ADGRL2: variants seen among roughly 807,000 people sequenced by gnomAD.
The protein encoded by ADGRL2 is adhesion G protein-coupled receptor L2.
In ADGRL2, 44 loss-of-function variants were observed where a neutral mutation model predicts 157.4. The observed-to-expected ratio is 0.28, with a 90% CI of 0.22 to 0.36. The LOEUF (loss-of-function observed/expected upper bound fraction) is 0.36. Ranked by LOEUF, ADGRL2 falls within the 10% of genes least tolerant of loss-of-function variation. The pLI is 1.00. For missense variants in ADGRL2, 1,510 were observed against 1,768.9 expected, an observed-to-expected ratio of 0.85 and a Z score of 2.63; for synonymous variants, 585 against 624.7, an observed-to-expected ratio of 0.94 and a Z score of 0.95.
intron 3 of ADGRL2, among the ~76,000 whole-genome samples, chr1:81,933,195 G>A (rs1206526305): frequency 2.0e-5 from 3 of 152,096 alleles, no homozygotes; most frequent in South Asian, 2.1e-4. Flanking sequence ...ATGATGAACC[G>A]TAATTGTAGT....
rs1657689491 is a variant in ADGRL2 at position 81,968,210 on chromosome 1, G to A, written c.2523+11G>A. 6.2e-7 allele frequency: 1 copy of A among 1,607,964 alleles called. No homozygotes were observed. Among genetic ancestry groups the A allele is most frequent in the African/African-American group, 1.3e-5 (1 of 74,522 alleles). On this transcript the variant is annotated intron_variant, in intron 14 of 23. Coordinates refer to ENST00000686636, the MANE Select transcript of ADGRL2 (RefSeq NM_001366006.2). The stretch of plus-strand genomic sequence containing the variant: ...CACAGGGAAATTGCAGTAAGTATTT[G>A]CACTTCTAATTAGTAGCAGAGAAAA...
intron 1 of ADGRL2, among the ~76,000 whole-genome samples, chr1:81,738,689 A>G (rs891698178): frequency 1.3e-5 from 2 of 152,182 alleles, no homozygotes; most frequent in African/African-American, 4.8e-5. Context: ...TATTCCATAC[A>G]GTGAAACTGA....
chr1:81,385,024 T>C (rs2076410901), intron 1 of ADGRL2, among the ~76,000 whole-genome samples: 2 of 152,162 alleles, frequency 1.3e-5, no homozygotes, highest in South Asian at 2.1e-4. Context: ...AGATATCAAG[T>C]TGTAGTGAGT....
intron 1 of ADGRL2, among the ~76,000 whole-genome samples, chr1:81,337,370 G>T (rs12082294): frequency 1.3e-5 from 2 of 152,094 alleles, no homozygotes; most frequent in Non-Finnish European, 2.9e-5. Context: ...GCTGTGGTGC[G>T]GCACAGAGTC....
At chr1:81,450,304 G>A (rs1454342693) in intron 2 of ADGRL2, among the ~76,000 whole-genome samples, 1 of 152,146 alleles carries the variant, frequency 6.6e-6, no homozygotes, top group Non-Finnish European at 1.5e-5. Flanking sequence ...CCACGAGTAT[G>A]CCAATGACAA....
At chr1:81,655,896 C>A (rs945246896) in intron 3 of ADGRL2, among the ~76,000 whole-genome samples, 1 of 152,202 alleles carries the variant, frequency 6.6e-6, no homozygotes, top group East Asian at 1.9e-4. Context: ...GAAAGTCCCC[C>A]GGAGATCATC....
chr1:81,676,696 TA>T (rs2082998971), intron 3 of ADGRL2, among the ~76,000 whole-genome samples: 1 of 151,978 alleles, frequency 6.6e-6, no homozygotes, highest in African/African-American at 2.4e-5. Context: ...TATTTTATTT[TA>T]TTTTTTTTGA....
At chr1:81,645,334 G>C (rs1288643161) in intron 3 of ADGRL2, among the ~76,000 whole-genome samples, 1 of 143,498 alleles carries the variant, frequency 7.0e-6, no homozygotes, top group Non-Finnish European at 1.5e-5. Context: ...GGAGGTTACA[G>C]AGAGTTATGA....
intron 1 of ADGRL2, among the ~76,000 whole-genome samples, chr1:81,400,685 C>T (rs905455076): frequency 1.3e-5 from 2 of 152,082 alleles, no homozygotes; most frequent in African/African-American, 4.8e-5. Context: ...AGTCCAGGTG[C>T]AGCAGCAGCA....
At chr1:81,836,469 G>A (rs2092287297) in intron 1 of ADGRL2, among the ~76,000 whole-genome samples, 1 of 152,022 alleles carries the variant, frequency 6.6e-6, no homozygotes, top group Admixed American at 6.6e-5. Flanking sequence ...CAAATGACCT[G>A]GTCTCATGTG....
chr1:81,677,453 A>G (rs1003031240), intron 3 of ADGRL2, among the ~76,000 whole-genome samples: 1 of 152,200 alleles, frequency 6.6e-6, no homozygotes, highest in Non-Finnish European at 1.5e-5. Flanking sequence ...AAACTAGCAT[A>G]AAGGAATAAC....
At chr1:81,555,298 A>G (rs374980932) in intron 2 of ADGRL2, among the ~76,000 whole-genome samples, 3 of 48,584 alleles carry the variant, frequency 6.2e-5, no homozygotes, top group Non-Finnish European at 1.3e-4. Context: ...ATGGAGTTTT[A>G]TTCTTATTGC....
chr1:81,555,041 C>T (rs1178219925), intron 2 of ADGRL2, among the ~76,000 whole-genome samples: 1 of 151,880 alleles, frequency 6.6e-6, no homozygotes, highest in Non-Finnish European at 1.5e-5. Flanking sequence ...CTCCAGGGAA[C>T]AGACACATGA....
chr1:81,624,419 A>C (rs1447283712), intron 3 of ADGRL2, among the ~76,000 whole-genome samples: 1 of 151,874 alleles, frequency 6.6e-6, no homozygotes, highest in Non-Finnish European at 1.5e-5. Flanking sequence ...CATCCCTACT[A>C]AAAATACAAA....
In ADGRL2 at chr1:81,817,667, G is replaced by A. The variant is rs568226810; in HGVS notation, c.-101+16599G>A. Among the ~76,000 whole-genome samples, 8 of 152,098 alleles carry A rather than the reference G, an allele frequency of 5.3e-5. No individual in the cohort carries two copies. The East Asian group carries it at 1.5e-3, about 29-fold the overall frequency. On this transcript the variant is annotated intron_variant, in intron 1 of 23. Coordinates refer to ENST00000686636, the MANE Select transcript of ADGRL2 (RefSeq NM_001366006.2). ...TCCTTAAACCAACATTTTATTTATAGGGTGTAATAAAAATCATAAAGTTAA... is the reference window on the plus strand; with the variant it reads ...TCCTTAAACCAACATTTTATTTATAAGGTGTAATAAAAATCATAAAGTTAA...
At chr1:81,640,705 T>C (rs990251430) in intron 3 of ADGRL2, among the ~76,000 whole-genome samples, 2 of 151,854 alleles carry the variant, frequency 1.3e-5, no homozygotes, top group African/African-American at 4.8e-5. Flanking sequence ...TAAGCTCCTA[T>C]ACTAGACCCC....
chr1:81,955,825 A>T, intron 10 of ADGRL2, 52 bp from the exon 11 acceptor site: 1 of 1,167,122 alleles, frequency 8.6e-7, no homozygotes. Flanking sequence ...ACTGAAAATC[A>T]CTTTGGTTCT....
intron 22 of ADGRL2, 26 bp downstream of exon 22, chr1:81,987,055 A>G: frequency 6.2e-7 from 1 of 1,606,600 alleles, no homozygotes; most frequent in Non-Finnish European, 8.5e-7. Flanking sequence ...AAATAAAACT[A>G]CCTTTCTTTG....
At chr1:81,986,777 C>T (rs1219412926) in intron 21 of ADGRL2, 124 bp from the exon 22 acceptor site, 1 of 886,480 alleles carries the variant, frequency 1.1e-6, no homozygotes, top group Non-Finnish European at 1.7e-6. Flanking sequence ...ACAGATTTTC[C>T]ATTGCCAACT....
Sources: allele counts gnomAD v4.1 joint callset (sites outside exome capture counted in the v4.1 genomes callset), GRCh38; gene constraint gnomAD v4.1.1; transcripts MANE v1.5; gene names NCBI Gene and HGNC (gene_info 2026-07-23, HGNC 2026-07-21).